RBFOX1: variants seen among roughly 807,000 people sequenced by gnomAD.
The protein encoded by RBFOX1 is RNA binding protein fox-1 homolog 1.
A neutral mutation model predicts 57.7 loss-of-function variants in RBFOX1; 8 were observed. The observed-to-expected ratio is 0.14, with a 90% confidence interval of 0.08 to 0.25. The LOEUF (loss-of-function observed/expected upper bound fraction) is 0.25. Ranked by LOEUF, RBFOX1 falls within the 10% of genes least tolerant of loss-of-function variation. The probability of loss-of-function intolerance (pLI) is 1.00; values close to 1 mark genes in which losing one functional copy is unlikely to be tolerated. For missense variants in RBFOX1, 611 were observed against 548.5 expected, an observed-to-expected ratio of 1.11 and a Z score of -1.14; for synonymous variants, 326 against 222.4, an observed-to-expected ratio of 1.47 and a Z score of -4.15.
chr16:6,796,080 A>AG (rs1441258830), intron 3 of RBFOX1, among the ~76,000 whole-genome samples: 1 of 152,078 alleles, frequency 6.6e-6, no homozygotes, highest in Non-Finnish European at 1.5e-5. Context: ...GAGGTTTATT[A>AG]GGCTTACATT....
intron 1 of RBFOX1, among the ~76,000 whole-genome samples, chr16:6,202,586 C>G (rs1201423853): frequency 6.6e-6 from 1 of 151,176 alleles, no homozygotes; most frequent in African/African-American, 2.4e-5. Context: ...TTCTTTTATG[C>G]TGAAAAAAAA....
chr16:5,416,245 A>G (rs2067157077), intron 1 of RBFOX1, among the ~76,000 whole-genome samples: 1 of 152,174 alleles, frequency 6.6e-6, no homozygotes, highest in Admixed American at 6.5e-5. Flanking sequence ...AAAGTGAGTC[A>G]TTTGTCTACG....
chr16:5,410,096 G>A (rs1349521594), intron 1 of RBFOX1, among the ~76,000 whole-genome samples: 4 of 151,550 alleles, frequency 2.6e-5, no homozygotes, highest in Admixed American at 1.3e-4. Context: ...GGGAAAGGTG[G>A]CTCATGCCTG....
At chr16:5,496,375 G>T (rs937822920) in intron 2 of RBFOX1, among the ~76,000 whole-genome samples, 1 of 152,042 alleles carries the variant, frequency 6.6e-6, no homozygotes, top group South Asian at 2.1e-4. Flanking sequence ...ACCATAATAA[G>T]CCTTTGCCTA....
At chr16:6,905,308 C>A (rs979581019) in intron 3 of RBFOX1, among the ~76,000 whole-genome samples, 2 of 151,732 alleles carry the variant, frequency 1.3e-5, no homozygotes, top group Non-Finnish European at 2.9e-5. Flanking sequence ...AATCCTAGAA[C>A]TTTGGGAGGC....
intron 1 of RBFOX1, among the ~76,000 whole-genome samples, chr16:5,347,584 C>G (rs1274360666): frequency 6.6e-6 from 1 of 151,962 alleles, no homozygotes; most frequent in African/African-American, 2.4e-5. Flanking sequence ...GTCTGTCCGT[C>G]TACCCACCCA....
chr16:5,255,362 A>ATCCATCCATCCC (rs2062564733), intron 1 of RBFOX1, among the ~76,000 whole-genome samples: 2 of 107,746 alleles, frequency 1.9e-5, no homozygotes, highest in East Asian at 5.0e-4. Flanking sequence ...CCCTCCATCC[A>ATCCATCCATCCC]TCCATCCATC....
intron 4 of RBFOX1, among the ~76,000 whole-genome samples, chr16:7,076,325 C>A (rs1247935858): frequency 6.6e-6 from 1 of 152,074 alleles, no homozygotes; most frequent in African/African-American, 2.4e-5. Flanking sequence ...AACCACCACT[C>A]CCGGCCATTT....
chr16:6,702,319 C>T (rs887809872), intron 3 of RBFOX1, among the ~76,000 whole-genome samples: 4 of 152,018 alleles, frequency 2.6e-5, no homozygotes, highest in African/African-American at 4.8e-5. Flanking sequence ...TTTGGAAGGC[C>T]GAGGCAGGCA....
At chr16:6,647,594 A>G (rs937684242) in intron 2 of RBFOX1, among the ~76,000 whole-genome samples, 3 of 152,176 alleles carry the variant, frequency 2.0e-5, no homozygotes, top group South Asian at 4.1e-4. Context: ...TCACTTCCTT[A>G]GAGTTCCCAT....
At chr16:7,170,172 C>A (rs1210273739) in intron 4 of RBFOX1, among the ~76,000 whole-genome samples, 1 of 152,136 alleles carries the variant, frequency 6.6e-6, no homozygotes, top group Non-Finnish European at 1.5e-5. Flanking sequence ...TTCCAAAACC[C>A]CTTTTATAGA....
chr16:6,140,606 C>T (rs769883297), intron 1 of RBFOX1, among the ~76,000 whole-genome samples: 1 of 152,128 alleles, frequency 6.6e-6, no homozygotes, highest in Non-Finnish European at 1.5e-5. Flanking sequence ...AACAATTAAG[C>T]CAGAAAAGAT....
At chr16:6,031,945 C>T (rs772671938) in intron 1 of RBFOX1, among the ~76,000 whole-genome samples, 2 of 152,166 alleles carry the variant, frequency 1.3e-5, no homozygotes, top group Admixed American at 6.5e-5. Context: ...AAGGGGAGGT[C>T]ATTTGTTCAC....
chr16:5,498,875 A>G (rs1470866788), intron 2 of RBFOX1, among the ~76,000 whole-genome samples: 1 of 152,168 alleles, frequency 6.6e-6, no homozygotes, highest in African/African-American at 2.4e-5. Context: ...CTCCTCTGTA[A>G]GGCCTTTGGC....
At chr16:7,150,593 T>G (rs17737424) in intron 4 of RBFOX1, among the ~76,000 whole-genome samples, 13,401 of 152,244 alleles carry the variant, frequency 0.088, 700 homozygotes, top group Middle Eastern at 0.13. Context: ...GTGGCTCACT[T>G]TCAGGATATT....
At chr16:5,294,672 C>G (rs890232987) in intron 1 of RBFOX1, among the ~76,000 whole-genome samples, 2 of 152,080 alleles carry the variant, frequency 1.3e-5, no homozygotes, top group African/African-American at 4.8e-5. Context: ...CCTGTATTTG[C>G]CCTTTCCTTT....
chr16:7,368,419 G>T (rs1254096106), intron 4 of RBFOX1, among the ~76,000 whole-genome samples: 2 of 151,944 alleles, frequency 1.3e-5, no homozygotes, highest in Admixed American at 1.3e-4. Context: ...ATCATTCATG[G>T]AGTCTTTATA....
intron 4 of RBFOX1, among the ~76,000 whole-genome samples, chr16:7,136,885 A>G (rs1435131930): frequency 6.6e-6 from 1 of 152,198 alleles, no homozygotes; most frequent in South Asian, 2.1e-4. Flanking sequence ...AATCTACTGC[A>G]TGCCTGGGCA....
intron 4 of RBFOX1, among the ~76,000 whole-genome samples, chr16:5,893,899 T>C (rs1035117898): frequency 6.6e-6 from 1 of 152,052 alleles, no homozygotes; most frequent in African/African-American, 2.4e-5. Context: ...AAAGTGTGCT[T>C]AGAACAATTA....
Sources: allele counts gnomAD v4.1 joint callset (sites outside exome capture counted in the v4.1 genomes callset), GRCh38; gene constraint gnomAD v4.1.1; transcripts MANE v1.5; gene names NCBI Gene and HGNC (gene_info 2026-07-23, HGNC 2026-07-21).